The following AFG2A variants were observed in gnomAD, a reference collection of about 807,000 sequenced individuals.
AFG2A encodes the protein AAA ATPase AFG2A.
the AFG2A span, among the ~76,000 whole-genome samples, chr4:123,301,648 G>A: frequency 1.3e-5 from 2 of 152,126 alleles, no homozygotes; most frequent in Admixed American, 6.5e-5. Context: ...TCTATGTTAT[G>A]TGCTAATGGT....
the AFG2A span, among the ~76,000 whole-genome samples, chr4:123,048,130 G>A: frequency 6.6e-6 from 1 of 152,282 alleles, no homozygotes; most frequent in East Asian, 1.9e-4. Flanking sequence ...TTTCCCCAGT[G>A]TGTGTTCTTG....
At chr4:123,168,831 G>A in the AFG2A span, among the ~76,000 whole-genome samples, 1 of 152,144 alleles carries the variant, frequency 6.6e-6, no homozygotes, top group African/African-American at 2.4e-5. Flanking sequence ...CCATGAACAG[G>A]ATCCATTCTT....
chr4:123,019,138 T>C, the AFG2A span, among the ~76,000 whole-genome samples: 1 of 152,168 alleles, frequency 6.6e-6, no homozygotes, highest in Non-Finnish European at 1.5e-5. Context: ...ATTTAACATA[T>C]GCTCTCCTGT....
At chr4:122,961,184 T>G in the AFG2A span, among the ~76,000 whole-genome samples, 2 of 152,178 alleles carry the variant, frequency 1.3e-5, no homozygotes, top group Non-Finnish European at 2.9e-5. Context: ...GTGGTGATGG[T>G]TTATATAGGC....
chr4:123,070,372 GA>G, the AFG2A span, among the ~76,000 whole-genome samples: 1 of 151,994 alleles, frequency 6.6e-6, no homozygotes. Flanking sequence ...TAATTTTGAG[GA>G]AGTGTCTTAG....
chr4:123,269,641 G>A, the AFG2A span, among the ~76,000 whole-genome samples: 1 of 152,128 alleles, frequency 6.6e-6, no homozygotes, highest in Non-Finnish European at 1.5e-5. Context: ...AGTAACTCAT[G>A]TTTCTTTTCC....
At chr4:123,195,161 A>G in the AFG2A span, among the ~76,000 whole-genome samples, 3 of 152,168 alleles carry the variant, frequency 2.0e-5, no homozygotes, top group Non-Finnish European at 4.4e-5. Flanking sequence ...AAACAAAAAT[A>G]AATGTATCAA....
chr4:123,081,247 T>C, the AFG2A span, among the ~76,000 whole-genome samples: 1 of 152,226 alleles, frequency 6.6e-6, no homozygotes, highest in Non-Finnish European at 1.5e-5. Context: ...AAATCCTTTG[T>C]GCCATCCCTG....
At chr4:123,066,814 TAAAC>T in the AFG2A span, among the ~76,000 whole-genome samples, 1 of 152,212 alleles carries the variant, frequency 6.6e-6, no homozygotes, top group Non-Finnish European at 1.5e-5. Context: ...TAGTAAACAG[TAAAC>T]AAATGCTGAG....
chr4:123,003,423 C>T, the AFG2A span, among the ~76,000 whole-genome samples: 1 of 152,112 alleles, frequency 6.6e-6, no homozygotes, highest in Non-Finnish European at 1.5e-5. Context: ...GTTTTTTCCC[C>T]ATCTTTGTGG....
the AFG2A span, among the ~76,000 whole-genome samples, chr4:123,305,236 A>C: frequency 6.6e-6 from 1 of 152,080 alleles, no homozygotes; most frequent in Non-Finnish European, 1.5e-5. Context: ...CCTTTCTTTG[A>C]GGATATCGAT....
the AFG2A span, among the ~76,000 whole-genome samples, chr4:123,206,209 C>A: frequency 6.6e-6 from 1 of 151,996 alleles, no homozygotes; most frequent in Non-Finnish European, 1.5e-5. Flanking sequence ...TCCCTCCATA[C>A]ATTCTTTTGT....
chr4:123,216,172 A>C, the AFG2A span, among the ~76,000 whole-genome samples: 1 of 152,164 alleles, frequency 6.6e-6, no homozygotes, highest in African/African-American at 2.4e-5. Context: ...GACCTATGAC[A>C]GGTTTTTCTT....
chr4:123,166,552 A>T, the AFG2A span, among the ~76,000 whole-genome samples: 1 of 152,214 alleles, frequency 6.6e-6, no homozygotes, highest in African/African-American at 2.4e-5. Context: ...GAAATCATCC[A>T]GTGCAACTTA....
At chr4:122,972,477 T>C in the AFG2A span, among the ~76,000 whole-genome samples, 1 of 151,866 alleles carries the variant, frequency 6.6e-6, no homozygotes, top group African/African-American at 2.4e-5. Context: ...CCTTCTTTTT[T>C]CTTTTAGGTT....
the AFG2A span, among the ~76,000 whole-genome samples, chr4:123,121,248 T>TA: frequency 1.9e-3 from 136 of 71,596 alleles, 1 homozygote; most frequent in East Asian, 6.4e-3. Flanking sequence ...AGTCAAAAAG[T>TA]AAAAAAAAAA....
the AFG2A span, among the ~76,000 whole-genome samples, chr4:123,157,353 C>A: frequency 1.3e-5 from 2 of 152,040 alleles, no homozygotes; most frequent in African/African-American, 4.8e-5. Context: ...CATAACCATA[C>A]ACATTTATTG....
the AFG2A span, among the ~76,000 whole-genome samples, chr4:123,180,425 A>G: frequency 6.6e-6 from 1 of 152,212 alleles, no homozygotes; most frequent in African/African-American, 2.4e-5. Context: ...AAGTAACAGT[A>G]GGGTCACTAC....
chr4:123,204,936 G>A, the AFG2A span, among the ~76,000 whole-genome samples: 3 of 152,144 alleles, frequency 2.0e-5, no homozygotes, highest in Non-Finnish European at 4.4e-5. Flanking sequence ...TGTATACAAT[G>A]GAAATTGGCA....
Sources: allele counts gnomAD v4.1 joint callset (sites outside exome capture counted in the v4.1 genomes callset), GRCh38; gene constraint gnomAD v4.1.1; transcripts MANE v1.5; gene names NCBI Gene and HGNC (gene_info 2026-07-23, HGNC 2026-07-21).